FRK: variants seen among roughly 807,000 people sequenced by gnomAD.
FRK encodes the protein tyrosine-protein kinase FRK.
A neutral mutation model predicts 56.4 loss-of-function variants in FRK; 51 were observed. The ratio of observed to expected loss-of-function variants is 0.90; its 90% CI spans 0.72 to 1.14. The LOEUF (loss-of-function observed/expected upper bound fraction) is 1.14, where lower values mean the gene tolerates loss of function less well. Ranked by LOEUF, FRK falls within the 50% of genes most tolerant of loss-of-function variation. The probability of loss-of-function intolerance (pLI) is 0.00; values close to 1 mark genes in which losing one functional copy is unlikely to be tolerated. For missense variants in FRK, 570 were observed against 601.4 expected, an observed-to-expected ratio of 0.95 and a Z score of 0.55; for synonymous variants, 245 against 217.9, an observed-to-expected ratio of 1.12 and a Z score of -1.10.
At chr6:115,979,047 C>T (rs1190789328) in intron 2 of FRK, among the ~76,000 whole-genome samples, 2 of 143,796 alleles carry the variant, frequency 1.4e-5, no homozygotes, top group Non-Finnish European at 3.0e-5. Flanking sequence ...GAGTGAGACT[C>T]TGTCTCAAAA....
chr6:116,010,560 C>G lies in FRK; in HGVS notation c.345-6562G>C, dbSNP rs146148022. ...GAAACAGATGGAAGAGACGATGTGA[C>G]ACCAGGATTTCAAATCTGAATGACT... is the stretch of plus-strand genomic sequence containing the variant. On this transcript the variant is annotated intron_variant, in intron 1 of 7. Transcript: ENST00000606080. Among the ~76,000 whole-genome samples, 3 of 152,254 alleles carry G rather than the reference C, an allele frequency of 2.0e-5. No individual in the cohort carries two copies. The East Asian group carries it at 5.8e-4, about 29-fold the overall frequency.
upstream of FRK, among the ~76,000 whole-genome samples, chr6:116,064,955 T>C (rs1356230369): frequency 6.6e-6 from 1 of 152,188 alleles, no homozygotes; most frequent in Non-Finnish European, 1.5e-5. Context: ...TCCTTTGCCA[T>C]TCTTTTACTC....
intron 5 of FRK, among the ~76,000 whole-genome samples, chr6:115,951,637 CA>C (rs1439094091): frequency 6.6e-6 from 1 of 151,946 alleles, no homozygotes; most frequent in East Asian, 1.9e-4. Flanking sequence ...TGAGAAACTA[CA>C]AAAAAGGTTA....
chr6:115,952,247 T>G (rs1014604832), intron 5 of FRK, among the ~76,000 whole-genome samples: 11 of 152,126 alleles, frequency 7.2e-5, no homozygotes, highest in Non-Finnish European at 1.6e-4. Flanking sequence ...TTTAGACATG[T>G]TGCCCATGCC....
intron 1 of FRK, among the ~76,000 whole-genome samples, chr6:116,029,834 T>C (rs750042809): frequency 3.9e-5 from 6 of 152,142 alleles, no homozygotes; most frequent in Non-Finnish European, 8.8e-5. Flanking sequence ...TTCATCATCA[T>C]CTATCTAAAA....
chr6:115,974,266 CTAAAG>C (rs1420707390), intron 2 of FRK, among the ~76,000 whole-genome samples: 2 of 152,130 alleles, frequency 1.3e-5, no homozygotes, highest in Non-Finnish European at 2.9e-5. Context: ...AAGCTAGAGA[CTAAAG>C]TAAATAGATG....
chr6:116,059,561 T>G (rs2114838680), intron 1 of FRK, among the ~76,000 whole-genome samples: 1 of 152,310 alleles, frequency 6.6e-6, no homozygotes. Context: ...TTCAAAAGTT[T>G]TTTTTAAAAA....
chr6:116,094,165 G>A, the FRK span, among the ~76,000 whole-genome samples: 83 of 152,262 alleles, frequency 5.5e-4, no homozygotes, highest in Admixed American at 1.8e-3. Flanking sequence ...CTGCCCCCTC[G>A]CTCATGTCCA....
chr6:116,070,096 A>G, the FRK span, among the ~76,000 whole-genome samples: 55,122 of 151,018 alleles, frequency 0.37, 10,519 homozygotes, highest in Middle Eastern at 0.49. Flanking sequence ...AACTTATCTA[A>G]TTATCTCATT....
intron 5 of FRK, among the ~76,000 whole-genome samples, chr6:115,948,299 T>C (rs1264714039): frequency 6.6e-6 from 1 of 151,876 alleles, no homozygotes. Flanking sequence ...GTCAAATGAG[T>C]GAGTTTAAAA....
chr6:116,056,265 A>T (rs1278797123), intron 1 of FRK, among the ~76,000 whole-genome samples: 1 of 144,728 alleles, frequency 6.9e-6, no homozygotes, highest in African/African-American at 2.6e-5. Context: ...CCCAGCCTGG[A>T]GTGCAGTGGC....
intron 1 of FRK, among the ~76,000 whole-genome samples, chr6:116,026,382 A>T (rs567403560): frequency 1.2e-4 from 19 of 152,114 alleles, no homozygotes; most frequent in Non-Finnish European, 2.6e-4. Flanking sequence ...ATCAAATTGT[A>T]CTAATGTAAA....
intron 1 of FRK, among the ~76,000 whole-genome samples, chr6:116,011,341 C>A (rs1256614593): frequency 6.6e-6 from 1 of 152,072 alleles, no homozygotes; most frequent in Non-Finnish European, 1.5e-5. Context: ...TCATGCCCAG[C>A]AACTGATGGC....
At chr6:116,079,434 G>C in the FRK span, among the ~76,000 whole-genome samples, 3 of 150,640 alleles carry the variant, frequency 2.0e-5, no homozygotes, top group Admixed American at 6.6e-5. Context: ...TTCTGGATAA[G>C]GGCTCTTTAT....
the FRK span, among the ~76,000 whole-genome samples, chr6:116,089,574 G>C: frequency 2.6e-5 from 4 of 152,174 alleles, no homozygotes; most frequent in African/African-American, 9.7e-5. Flanking sequence ...GTTTTGTCTT[G>C]TAGACGGCTG....
At chr6:116,052,435 C>A (rs868806325) in intron 1 of FRK, among the ~76,000 whole-genome samples, 1 of 152,120 alleles carries the variant, frequency 6.6e-6, no homozygotes, top group South Asian at 2.1e-4. Flanking sequence ...AGCAATCATT[C>A]ATTTAGTTAT....
intron 1 of FRK, among the ~76,000 whole-genome samples, chr6:116,054,429 GTATAT>G (rs1777297922): frequency 7.1e-6 from 1 of 141,710 alleles, no homozygotes. Context: ...TATTTATATA[GTATAT>G]TATATATTAT....
the FRK span, among the ~76,000 whole-genome samples, chr6:116,079,185 G>A: frequency 6.6e-6 from 1 of 152,046 alleles, no homozygotes; most frequent in East Asian, 1.9e-4. Context: ...TTACCAAAGA[G>A]ATTATTCATA....
chr6:116,065,696 C>T (rs1318522221), upstream of FRK, among the ~76,000 whole-genome samples: 1 of 152,182 alleles, frequency 6.6e-6, no homozygotes, highest in Non-Finnish European at 1.5e-5. Flanking sequence ...CCAGCATAAC[C>T]TATACCCATT....
Sources: gnomAD v4.1 joint callset for allele counts (sites outside exome capture counted in the v4.1 genomes callset) on GRCh38, gnomAD v4.1.1 for gene constraint, MANE v1.5 for transcripts, NCBI Gene and HGNC (gene_info 2026-07-23, HGNC 2026-07-21) for gene names.